GUCY2F: variants seen among roughly 807,000 people sequenced by gnomAD.
The protein encoded by GUCY2F is retinal guanylyl cyclase 2.
Under a neutral mutation model 73.1 loss-of-function variants are expected in GUCY2F, and 61 were observed. That is an observed-to-expected ratio of 0.83 (90% confidence interval 0.68 to 1.03). The LOEUF (loss-of-function observed/expected upper bound fraction) is 1.03. Among genes scored for constraint, GUCY2F ranks in the 50% least tolerant of loss-of-function variants. The probability of loss-of-function intolerance (pLI) is 0.00; values close to 1 mark genes in which losing one functional copy is unlikely to be tolerated. For missense variants in GUCY2F, 912 were observed against 854.3 expected, an observed-to-expected ratio of 1.07 and a Z score of -0.84; for synonymous variants, 331 against 307.8, an observed-to-expected ratio of 1.08 and a Z score of -0.79.
intron 8 of GUCY2F, among the ~76,000 whole-genome samples, chrX:109,412,765 C>T (rs1470952557): frequency 1.8e-5 from 2 of 111,777 alleles, no homozygotes; most frequent in African/African-American, 6.5e-5. Context: ...GAAGAGGAAC[C>T]GATATATGCC....
chrX:109,408,385 G>T (rs1317095002), intron 9 of GUCY2F, among the ~76,000 whole-genome samples: 1 of 112,495 alleles, frequency 8.9e-6, no homozygotes, highest in Non-Finnish European at 1.9e-5. Context: ...AGGCAGAAGG[G>T]ATTTGCCTTG....
intron 3 of GUCY2F, among the ~76,000 whole-genome samples, chrX:109,454,508 G>A (rs1932215039): frequency 8.9e-6 from 1 of 111,752 alleles, no homozygotes; most frequent in African/African-American, 3.3e-5. Context: ...TATAGAGAAT[G>A]TGAATTTTAG....
chrX:109,416,320 A>G lies in GUCY2F; in HGVS notation c.1792-7152T>C, dbSNP rs1284464329. On this transcript the variant is annotated intron_variant, in intron 8 of 19. Coordinates refer to ENST00000218006, the MANE Select transcript of GUCY2F (RefSeq NM_001522.3). ...AGATTTAAAGGAAAATATATGCAAA[A>G]TGAATATATGGGTATAGAACATGGC... Among the ~76,000 whole-genome samples, 5 of 111,550 alleles carry G rather than the reference A, an allele frequency of 4.5e-5. No individual in the cohort carries two copies. In the East Asian group the frequency reaches 1.4e-3, roughly 31 times the overall value.
At chrX:109,441,054 A>G (rs772803423) in intron 7 of GUCY2F, among the ~76,000 whole-genome samples, 3 of 112,267 alleles carry the variant, frequency 2.7e-5, no homozygotes, top group Non-Finnish European at 5.6e-5. Context: ...ATTGTTATCT[A>G]TATATCTTCT....
At chrX:109,439,090 T>C (rs1230319955) in intron 7 of GUCY2F, among the ~76,000 whole-genome samples, 1 of 111,729 alleles carries the variant, frequency 9.0e-6, no homozygotes, top group East Asian at 2.8e-4. Flanking sequence ...ACTACCGAGA[T>C]GTATGGCTTG....
At chrX:109,400,669 G>A (rs1930818843) in intron 10 of GUCY2F, among the ~76,000 whole-genome samples, 1 of 111,104 alleles carries the variant, frequency 9.0e-6, no homozygotes, top group South Asian at 3.8e-4. Context: ...CCCAGGCTTT[G>A]TCCCCCAACC....
chrX:109,473,720 C>T (rs73530264), intron 2 of GUCY2F, among the ~76,000 whole-genome samples: 1 of 111,743 alleles, frequency 8.9e-6, no homozygotes, highest in African/African-American at 3.2e-5. Context: ...AGCTTCAGGG[C>T]CTGGATTTAT....
chrX:109,442,742 C>A, intron 6 of GUCY2F, among the ~76,000 whole-genome samples: 1 of 111,461 alleles, frequency 9.0e-6, no homozygotes, highest in Non-Finnish European at 1.9e-5. Context: ...AAAATTCAGA[C>A]AAGATGTAAA....
chrX:109,420,489 C>A (rs764096757), intron 8 of GUCY2F, among the ~76,000 whole-genome samples: 4 of 110,135 alleles, frequency 3.6e-5, no homozygotes, highest in African/African-American at 1.3e-4. Context: ...ATTGGACTTC[C>A]TTGAAACTAA....
At chrX:109,473,485 C>T (rs773646047) in intron 2 of GUCY2F, among the ~76,000 whole-genome samples, 58 of 112,023 alleles carry the variant, frequency 5.2e-4, no homozygotes, top group Non-Finnish European at 9.2e-4. Context: ...TGCTGGGACC[C>T]ACCACAGACC....
Position 109,465,402 on chromosome X carries a change from T to A in GUCY2F, c.772A>T (p.Thr258Ser). The stretch of plus-strand genomic sequence containing the variant: ...GCACATTCCAAGAGATGCATCTGAG[T>A]CTCTCCCCCAATCAAAGCTGAATGC... ...CMHSALIGGE[T>S]QMHLLECAHD... Residue 258 changes from threonine (T) to serine (S), a missense_variant, in exon 3 of 20, where the codon ACT (threonine) becomes TCT (serine). Transcript: ENST00000218006. 8.3e-7 allele frequency: 1 copy of A among 1,204,344 alleles called. No homozygotes were observed. Among genetic ancestry groups the A allele is most frequent in the Non-Finnish European group, 1.1e-6 (1 of 889,766 alleles).
At chrX:109,405,065 A>G in intron 9 of GUCY2F, among the ~76,000 whole-genome samples, 1 of 112,421 alleles carries the variant, frequency 8.9e-6, no homozygotes, top group Middle Eastern at 4.6e-3. Flanking sequence ...AGTGTGGTAC[A>G]TTCACACTAG....
rs762478195 is a variant in GUCY2F at position 109,475,635 on chromosome X, T to C, written c.302A>G (p.Asn101Ser). The C allele has an allele frequency of 1.4e-5, 17 of 1,207,469 alleles. No individual in the cohort carries two copies. The East Asian group carries it at 1.8e-4, about 13-fold the overall frequency. The change falls in exon 2 of 20, where the codon AAT becomes AGT. Residue 101 changes from asparagine (N) to serine (S), a missense_variant. Coordinates refer to ENST00000218006, the MANE Select transcript of GUCY2F (RefSeq NM_001522.3). ...AGCCCTCGAAGTCTGGCAGTCTTCATTGAGAATCACGTATTCAAAAGAATA... is the reference window on the plus strand; with the variant it reads ...AGCCCTCGAAGTCTGGCAGTCTTCACTGAGAATCACGTATTCAAAAGAATA... Reference protein sequence around the residue: ...LSYSFEYVILNEDCQTSRALS... With the variant: ...LSYSFEYVILSEDCQTSRALS...
chrX:109,418,392 C>T (rs773981846), intron 8 of GUCY2F, among the ~76,000 whole-genome samples: 2 of 111,967 alleles, frequency 1.8e-5, no homozygotes, highest in South Asian at 7.2e-4. Context: ...TTCAGTAACA[C>T]AGACCACATG....
At position 109,441,441 on chromosome X, in the gene GUCY2F, C is replaced by T. The variant is rs1014962297; in HGVS notation, c.1611G>A (p.Glu537=). ...RASVSFQITS[E]VQSGRSPRLS... is the part of the protein sequence containing the mutation. ...GTCTTGGGGACCTCCCACTTTGGAC[C>T]TCTGAGGTAATCTGGAAGCTTACAC... Residue 537 remains glutamate, a synonymous_variant, in exon 7 of 20, where the codon GAG becomes GAA. Transcript: ENST00000218006. 1 of 1,176,280 alleles carries T rather than the reference C, an allele frequency of 8.5e-7. No homozygotes were observed. Among genetic ancestry groups the T allele is most frequent in the African/African-American group, 1.8e-5 (1 of 56,323 alleles).
intron 7 of GUCY2F, among the ~76,000 whole-genome samples, chrX:109,440,450 C>G (rs1931843048): frequency 9.0e-6 from 1 of 111,728 alleles, no homozygotes; most frequent in African/African-American, 3.3e-5. Flanking sequence ...ATAGTAAGGT[C>G]CCTGTCAATT....
At chrX:109,404,251 C>T in intron 10 of GUCY2F, 77 bp downstream of exon 10, 1 of 736,634 alleles carries the variant, frequency 1.4e-6, no homozygotes, top group Non-Finnish European at 2.0e-6. Flanking sequence ...CAGCCTGAGG[C>T]TTTAATTCAG....
At chrX:109,471,876 C>A (rs1932581605) in intron 2 of GUCY2F, among the ~76,000 whole-genome samples, 1 of 112,000 alleles carries the variant, frequency 8.9e-6, no homozygotes, top group African/African-American at 3.2e-5. Flanking sequence ...GATCTATGTG[C>A]AAATGCCTTG....
intron 8 of GUCY2F, among the ~76,000 whole-genome samples, chrX:109,429,470 C>T (rs1197944812): frequency 9.0e-6 from 1 of 110,956 alleles, no homozygotes; most frequent in East Asian, 2.8e-4. Context: ...AACATCTCTT[C>T]CTAACCTATA....
Sources: allele counts gnomAD v4.1 joint callset (sites outside exome capture counted in the v4.1 genomes callset), GRCh38; gene constraint gnomAD v4.1.1; transcripts MANE v1.5; gene names NCBI Gene and HGNC (gene_info 2026-07-23, HGNC 2026-07-21).